LAMA1: variants seen among roughly 807,000 people sequenced by gnomAD.
LAMA1 encodes the protein laminin subunit alpha 1, also known as laminin subunit alpha-1.
A neutral mutation model predicts 348.7 loss-of-function variants in LAMA1; 219 were observed. The ratio of observed to expected loss-of-function variants is 0.63; its 90% CI spans 0.56 to 0.70. The LOEUF is 0.70. Among genes scored for constraint, LAMA1 ranks in the 30% least tolerant of loss-of-function variants. The pLI, the probability that LAMA1 is intolerant of heterozygous loss-of-function variation, is 0.00. For synonymous variants in LAMA1, 1,487 were observed against 1,491.0 expected, an observed-to-expected ratio of 1.00 and a Z score of 0.06; for missense variants, 3,744 against 3,888.0, an observed-to-expected ratio of 0.96 and a Z score of 0.99.
intron 1 of LAMA1, among the ~76,000 whole-genome samples, chr18:7,112,550 T>C (rs993600993): frequency 6.6e-6 from 1 of 152,020 alleles, no homozygotes; most frequent in Non-Finnish European, 1.5e-5. Flanking sequence ...TTTCTACCTA[T>C]AGTACCTTTT....
At chr18:7,028,041 T>C (rs1416961378) in intron 16 of LAMA1, among the ~76,000 whole-genome samples, 1 of 152,134 alleles carries the variant, frequency 6.6e-6, no homozygotes, top group Non-Finnish European at 1.5e-5. Flanking sequence ...TAGGACCAAG[T>C]AGAACTTCTA....
intron 14 of LAMA1, 72 bp from the exon 15 acceptor site, chr18:7,033,167 C>A: frequency 8.8e-7 from 1 of 1,135,480 alleles, no homozygotes; most frequent in South Asian, 1.3e-5. Flanking sequence ...AAGATGGGCT[C>A]CTAAAAGATT....
intron 3 of LAMA1, among the ~76,000 whole-genome samples, chr18:7,071,754 T>C (rs1256501317): frequency 3.9e-5 from 6 of 152,220 alleles, no homozygotes; most frequent in Non-Finnish European, 8.8e-5. Flanking sequence ...GGTGCAATGA[T>C]GCAGAGCTCA....
intron 49 of LAMA1, 68 bp downstream of exon 49, chr18:6,966,073 TTAAACA>T: frequency 6.5e-7 from 1 of 1,537,880 alleles, no homozygotes; most frequent in Non-Finnish European, 9.0e-7. Context: ...TAAATCCTCA[TTAAACA>T]TAAACAACCA....
chr18:7,098,554 G>A (rs1163799926), intron 1 of LAMA1, among the ~76,000 whole-genome samples: 1 of 149,742 alleles, frequency 6.7e-6, no homozygotes, highest in African/African-American at 2.5e-5. Flanking sequence ...CCGTCTGGGA[G>A]GTGAGGAGCA....
Position 7,043,122 on chromosome 18 carries a change from T to A in LAMA1, c.1155+105A>T, listed in dbSNP as rs16951096. ...ACTACTGGCATAACAAGGATATAAA[T>A]GAAATATTACAAAAGTCTCCAATAC... On this transcript the variant is annotated intron_variant, in intron 8 of 62. Coordinates refer to ENST00000389658, the MANE Select transcript of LAMA1 (RefSeq NM_005559.4). 5.7e-3 allele frequency: 6,151 copies of A among 1,075,404 alleles called. 253 individuals are homozygous for A. In the African/African-American group the frequency reaches 0.084, roughly 15 times the overall value. The allele number at this position is 1,075,404 out of a possible 1,614,324, so 66.6% of individuals were successfully genotyped here.
In LAMA1 at chr18:6,965,819, G is replaced by A. The variant is rs746868581; in HGVS notation, c.7050+328C>T. ...ATGGATGGAATTCAAACAATGTCAC[G>A]GTGGTCACAGTGAACCCAGAACAAG... On this transcript the variant is annotated intron_variant, in intron 49 of 62. Transcript: ENST00000389658. 4.6e-4 allele frequency: 187 copies of A among 405,868 alleles called. 1 individual carries two copies. The Middle Eastern group carries it at 7.9e-3, about 17-fold the overall frequency. 25.1% of individuals were successfully genotyped at this position (405,868 alleles called of 1,614,324 possible).
rs1243986233 is a variant in LAMA1, at chr18:6,970,957, C to CTTAAA, written c.6899+895_6899+899dup. ...AGCGAAGGAAGGGGAAAAGAGAAGG[C>CTTAAA]TTAAACTACAGACCTGACAATGACA... On this transcript the variant is annotated intron_variant, in intron 48 of 62. Coordinates refer to ENST00000389658, the MANE Select transcript of LAMA1 (RefSeq NM_005559.4). Among the ~76,000 whole-genome samples the CTTAAA allele has an allele frequency of 2.0e-5, 3 of 152,274 alleles. No individual in the cohort carries two copies. In the East Asian group the frequency reaches 5.8e-4, roughly 29 times the overall value.
chr18:7,056,701 G>A (rs781398345), intron 3 of LAMA1, among the ~76,000 whole-genome samples: 1 of 152,058 alleles, frequency 6.6e-6, no homozygotes, highest in Non-Finnish European at 1.5e-5. Flanking sequence ...CATTCACCTG[G>A]AGACCGGGTT....
chr18:6,962,213 C>T (rs926054121), intron 51 of LAMA1, among the ~76,000 whole-genome samples, 154 bp from the exon 52 acceptor site: 9 of 152,026 alleles, frequency 5.9e-5, no homozygotes, highest in African/African-American at 1.7e-4. Flanking sequence ...CCTAAGCCCA[C>T]GAGTTTGAGA....
In LAMA1 at chr18:7,050,777, G is replaced by T. The variant is rs752872595; in HGVS notation, c.505C>A (p.Arg169=). 2 of 1,614,126 alleles carry T rather than the reference G, an allele frequency of 1.2e-6. No homozygotes were observed. Among genetic ancestry groups the T allele is most frequent in the Non-Finnish European group, 1.7e-6 (2 of 1,180,032 alleles). ...CLSRYNITPR[R]GPPTYRADDE... Reference sequence around the variant, plus strand: ...TCAGCCCTGTAGGTGGGTGGCCCTCGTCTTGGAGTTATATTGTAACGAGAC... The same window carrying T: ...TCAGCCCTGTAGGTGGGTGGCCCTCTTCTTGGAGTTATATTGTAACGAGAC... Residue 169 remains arginine (R), a synonymous_variant, in exon 4 of 63, where the codon CGA becomes AGA. Transcript: ENST00000389658.
chr18:6,993,889 G>A lies in LAMA1; in HGVS notation c.4897-137C>T, dbSNP rs137881407. On this transcript the variant is annotated intron_variant, in intron 34 of 62. Transcript: ENST00000389658. ...ATTCCAGAATATAGAGTAAAGATGA[G>A]CATTATCATGCAAGCCGAGCTTAAT... 4.6e-3 allele frequency: 3,225 copies of A among 704,440 alleles called. 15 individuals are homozygous for A. The highest frequency in any genetic ancestry group is 7.0e-3 in the Non-Finnish European group (2,691 of 384,564). 43.6% of individuals were successfully genotyped at this position (704,440 alleles called of 1,614,324 possible). A position where few individuals can be genotyped will look rare whatever the true frequency, so the allele number is the denominator to read the frequency against.
At chr18:6,998,814 C>A (rs1354920984) in intron 32 of LAMA1, among the ~76,000 whole-genome samples, 1 of 152,188 alleles carries the variant, frequency 6.6e-6, no homozygotes, top group Non-Finnish European at 1.5e-5. Context: ...AGGCGGATTG[C>A]CTGAGGTCAG....
At chr18:7,045,083 T>C (rs1279300529) in intron 6 of LAMA1, among the ~76,000 whole-genome samples, 1 of 151,846 alleles carries the variant, frequency 6.6e-6, no homozygotes, top group African/African-American at 2.4e-5. Flanking sequence ...ATAAAAACTT[T>C]TTTTAAAAAT....
At chr18:6,987,179 C>G (rs1455686290) in intron 36 of LAMA1, among the ~76,000 whole-genome samples, 2 of 152,170 alleles carry the variant, frequency 1.3e-5, no homozygotes, top group Non-Finnish European at 2.9e-5. Flanking sequence ...GGAATCCGAA[C>G]ACTTAAACTT....
chr18:7,021,578 A>G lies in LAMA1; in HGVS notation c.2701+1586T>C, dbSNP rs545751114. ...AATATACACTCAATTTTGATGACTC[A>G]GTACTAAAAAAGAAAGTAAATATTG... is the stretch of plus-strand genomic sequence containing the variant. On this transcript the variant is annotated intron_variant, in intron 19 of 62. Transcript: ENST00000389658. Among the ~76,000 whole-genome samples, 18 of 152,066 alleles carry G rather than the reference A, an allele frequency of 1.2e-4. No individual in the cohort carries two copies. The South Asian group carries it at 3.5e-3, about 30-fold the overall frequency.
At chr18:7,005,488 C>T (rs1333488440) in intron 29 of LAMA1, among the ~76,000 whole-genome samples, 1 of 152,168 alleles carries the variant, frequency 6.6e-6, no homozygotes, top group Admixed American at 6.5e-5. Context: ...ATGGCTCATG[C>T]CTGTAATCCC....
intron 35 of LAMA1, 30 bp from the exon 36 acceptor site, chr18:6,992,750 A>G: frequency 6.3e-7 from 1 of 1,592,502 alleles, no homozygotes; most frequent in Non-Finnish European, 8.6e-7. Context: ...ATTATTTAAT[A>G]AGCCTCTCAA....
chr18:6,955,326 G>A (rs199625295), intron 57 of LAMA1, 27 bp downstream of exon 57: 118 of 1,544,478 alleles, frequency 7.6e-5, no homozygotes, highest in Admixed American at 3.6e-4. Flanking sequence ...ATGAGACGCC[G>A]CATAAGGATG....
Sources: gnomAD v4.1 joint callset for allele counts (sites outside exome capture counted in the v4.1 genomes callset) on GRCh38, gnomAD v4.1.1 for gene constraint, MANE v1.5 for transcripts, NCBI Gene and HGNC (gene_info 2026-07-23, HGNC 2026-07-21) for gene names.